The following SLC14A2 variants were observed in gnomAD, a reference collection of about 807,000 sequenced individuals.
The protein encoded by SLC14A2 is solute carrier family 14 member 2, also known as urea transporter 2.
A neutral mutation model predicts 104.6 loss-of-function variants in SLC14A2; 91 were observed. That is an observed-to-expected ratio of 0.87 (90% confidence interval 0.73 to 1.04). The LOEUF (loss-of-function observed/expected upper bound fraction) is 1.04, where lower values mean the gene tolerates loss of function less well. Ranked by LOEUF, SLC14A2 falls within the 50% of genes least tolerant of loss-of-function variation. The pLI is 0.00. For synonymous variants in SLC14A2, 476 were observed against 466.4 expected (o/e 1.02, Z -0.27); for missense variants, 1,189 against 1,156.0 (o/e 1.03, Z -0.41).
intron 1 of SLC14A2, among the ~76,000 whole-genome samples, chr18:45,357,665 C>T (rs543437348): frequency 6.6e-6 from 1 of 152,074 alleles, no homozygotes; most frequent in South Asian, 2.1e-4. Context: ...GTGTGGAGCC[C>T]CTCTGCAGCT....
chr18:45,390,239 C>T (rs536727173), intron 1 of SLC14A2, among the ~76,000 whole-genome samples: 2 of 152,224 alleles, frequency 1.3e-5, no homozygotes, highest in Admixed American at 6.5e-5. Context: ...AACAGGAGAC[C>T]TTCATTTGTC....
intron 1 of SLC14A2, among the ~76,000 whole-genome samples, chr18:45,376,927 A>C (rs573914674): frequency 6.6e-6 from 1 of 152,312 alleles, no homozygotes; most frequent in South Asian, 2.1e-4. Flanking sequence ...TCCTAAAAAT[A>C]GGTCCTTTTC....
rs34456057 is a variant in SLC14A2, at chr18:45,426,698, T to TACACACACACACAC, written c.-124-56513_-124-56500dup. On this transcript the variant is annotated intron_variant, in intron 1 of 20. Transcript: ENST00000586448. ...ACACACATATACATATATACATACATACACACACACACACACACACACACA... is the reference window on the plus strand; with the variant it reads ...ACACACATATACATATATACATACATACACACACACACACACACACACACACACACACACACACA... Among the ~76,000 whole-genome samples the TACACACACACACAC allele has an allele frequency of 4.3e-5, 6 of 140,994 alleles. No homozygotes were observed. The South Asian group carries it at 6.9e-4, about 16-fold the overall frequency. 92.5% of individuals were successfully genotyped at this position (140,994 alleles called of 152,430 possible). A position where few individuals can be genotyped will look rare whatever the true frequency, so the allele number is the denominator to read the frequency against.
At chr18:45,375,802 T>C (rs550524113) in intron 1 of SLC14A2, among the ~76,000 whole-genome samples, 1 of 152,284 alleles carries the variant, frequency 6.6e-6, no homozygotes, top group South Asian at 2.1e-4. Context: ...ATCACTTTCC[T>C]TTTCATCCTT....
At chr18:45,188,259 C>G in the SLC14A2 span, among the ~76,000 whole-genome samples, 1 of 152,162 alleles carries the variant, frequency 6.6e-6, no homozygotes, top group Non-Finnish European at 1.5e-5. Flanking sequence ...AGTGCTATGT[C>G]TTGCCCCGTT....
chr18:45,366,508 A>G (rs1202736439), intron 1 of SLC14A2, among the ~76,000 whole-genome samples: 4 of 152,188 alleles, frequency 2.6e-5, no homozygotes, highest in Admixed American at 2.0e-4. Context: ...TCCCCAGCAT[A>G]CTGTGAATTA....
chr18:45,211,365 A>G (rs2083959839), upstream of SLC14A2, among the ~76,000 whole-genome samples: 1 of 152,200 alleles, frequency 6.6e-6, no homozygotes, highest in Admixed American at 6.5e-5. Flanking sequence ...CCAATCTTAG[A>G]CCAAACAGAA....
Position 45,391,748 on chromosome 18 carries a change from C to T in SLC14A2, c.-124-91485C>T, listed in dbSNP as rs568553025. On this transcript the variant is annotated intron_variant, in intron 1 of 20. Transcript: ENST00000586448. ...TCTTTTGAGAAGTGTCTGTTCATAT[C>T]CTTCGCCCACTTTTTGATGGGGTTG... is the stretch of plus-strand genomic sequence containing the variant. 1.2e-4 allele frequency among the ~76,000 whole-genome samples: 19 copies of T among 152,244 alleles called. No homozygotes were observed. In the South Asian group the frequency reaches 1.7e-3, roughly 13 times the overall value.
At chr18:45,189,168 A>T in the SLC14A2 span, among the ~76,000 whole-genome samples, 1 of 152,190 alleles carries the variant, frequency 6.6e-6, no homozygotes, top group Non-Finnish European at 1.5e-5. Flanking sequence ...ATACTGACAA[A>T]TATTATAGGG....
At chr18:45,671,902 G>T (rs548617816) in intron 16 of SLC14A2, among the ~76,000 whole-genome samples, 20 of 152,292 alleles carry the variant, frequency 1.3e-4, no homozygotes, top group South Asian at 4.1e-4. Flanking sequence ...GGGGAAGCCC[G>T]CATTTCCAGG....
intron 1 of SLC14A2, among the ~76,000 whole-genome samples, chr18:45,284,976 C>CT (rs966225797): frequency 2.6e-5 from 4 of 151,590 alleles, no homozygotes; most frequent in African/African-American, 9.7e-5. Flanking sequence ...TAGAAAGGCT[C>CT]TTTTTTAAAT....
rs147906453 is a variant in SLC14A2, at chr18:45,644,152, C to A, written c.1343C>A (p.Ala448Asp). The change falls in exon 10 of 20, where the codon GCC becomes GAC. Residue 448 changes from alanine to aspartate, a missense_variant. By Grantham distance (126) the Ala-to-Asp change is moderately radical. Coordinates refer to ENST00000255226, the MANE Select transcript of SLC14A2 (RefSeq NM_007163.4). ...GTGAAAAGCGGTGAAGAAGAGAAGG[C>A]CCCCAGCGGTGAATAGCCATGTTCG... ...LTVKSGEEEKAPSGGGGEHPP... is the reference protein window; with the variant it reads ...LTVKSGEEEKDPSGGGGEHPP... 12 of 1,614,104 alleles carry A rather than the reference C, an allele frequency of 7.4e-6. No individual in the cohort carries two copies. In the African/African-American group the frequency reaches 1.6e-4, roughly 22 times the overall value.
chr18:45,244,523 G>T (rs1331438944), intron 1 of SLC14A2, among the ~76,000 whole-genome samples: 2 of 152,150 alleles, frequency 1.3e-5, no homozygotes, highest in Admixed American at 1.3e-4. Flanking sequence ...TTACTTGGGA[G>T]GCTGAGGCAG....
At chr18:45,436,500 T>C (rs953206409) in intron 1 of SLC14A2, 3 of 152,234 alleles carry the variant, frequency 2.0e-5, no homozygotes, top group Non-Finnish European at 4.4e-5. Context: ...CAAACAGTCT[T>C]CATTCCCTTT....
At chr18:45,534,092 T>C (rs1482225577) in intron 2 of SLC14A2, among the ~76,000 whole-genome samples, 3 of 152,222 alleles carry the variant, frequency 2.0e-5, no homozygotes, top group Admixed American at 2.0e-4. Flanking sequence ...CAGAGAGGTA[T>C]GGTAAAATCG....
intron 1 of SLC14A2, among the ~76,000 whole-genome samples, chr18:45,239,907 C>T (rs954907035): frequency 6.6e-6 from 1 of 152,156 alleles, no homozygotes. Context: ...TACTTACCAT[C>T]ATGTCCTCCA....
intron 1 of SLC14A2, among the ~76,000 whole-genome samples, chr18:45,427,632 A>T (rs2086453439): frequency 6.6e-6 from 1 of 152,160 alleles, no homozygotes; most frequent in East Asian, 1.9e-4. Context: ...CTTAAGTCCC[A>T]GTGTTTGTTT....
chr18:45,400,868 G>A (rs761684334), intron 1 of SLC14A2, among the ~76,000 whole-genome samples: 25 of 152,058 alleles, frequency 1.6e-4, no homozygotes, highest in Non-Finnish European at 2.9e-4. Flanking sequence ...TTTGATGCTC[G>A]GACGTGTCCT....
At chr18:45,660,050 T>C (rs2045912498) in intron 10 of SLC14A2, among the ~76,000 whole-genome samples, 1 of 152,088 alleles carries the variant, frequency 6.6e-6, no homozygotes, top group Admixed American at 6.5e-5. Context: ...GAAGGATCAC[T>C]TGAGTTCAGG....
Sources: allele counts gnomAD v4.1 joint callset (sites outside exome capture counted in the v4.1 genomes callset), GRCh38; gene constraint gnomAD v4.1.1; transcripts MANE v1.5; gene names NCBI Gene and HGNC (gene_info 2026-07-23, HGNC 2026-07-21).